Variants in RGS7 observed in about 807,000 individuals in gnomAD.
The protein encoded by RGS7 is regulator of G protein signaling 7, also known as regulator of G-protein signaling 7.
RGS7 carries 27 observed loss-of-function variants against 81.1 expected under a neutral mutation model. That is an observed-to-expected ratio of 0.33 (90% CI 0.25 to 0.46). The LOEUF is 0.46. RGS7 is among the 20% of genes least tolerant of loss of function. The pLI, the probability that RGS7 is intolerant of heterozygous loss-of-function variation, is 1.00. For synonymous variants in RGS7, 208 were observed against 207.7 expected (o/e 1.00, Z -0.01); for missense variants, 396 against 607.4 (o/e 0.65, Z 3.66).
At chr1:240,907,739 T>G (rs1395930360) in intron 6 of RGS7, among the ~76,000 whole-genome samples, 1 of 152,136 alleles carries the variant, frequency 6.6e-6, no homozygotes, top group East Asian at 1.9e-4. Context: ...CCGTAATAAG[T>G]GAGCAACGTT....
intron 2 of RGS7, among the ~76,000 whole-genome samples, chr1:241,264,716 G>A (rs1217288065): frequency 6.6e-6 from 1 of 152,174 alleles, no homozygotes; most frequent in Admixed American, 6.5e-5. Context: ...CAGTGCAGTT[G>A]GTGTGGATTG....
At chr1:240,791,221 A>T (rs9287251) in intron 18 of RGS7, among the ~76,000 whole-genome samples, 100,143 of 152,050 alleles carry the variant, frequency 0.66, 33,271 homozygotes, top group Non-Finnish European at 0.7. Context: ...AAATTACAGG[A>T]ATAAGTGGTG....
chr1:240,983,498 T>G (rs1329792586), intron 3 of RGS7, among the ~76,000 whole-genome samples: 1 of 152,204 alleles, frequency 6.6e-6, no homozygotes, highest in African/African-American at 2.4e-5. Flanking sequence ...CCTGTCTCAT[T>G]TTTGGTTGTA....
intron 2 of RGS7, among the ~76,000 whole-genome samples, chr1:241,122,140 G>A (rs965774519): frequency 6.6e-6 from 1 of 152,100 alleles, no homozygotes; most frequent in African/African-American, 2.4e-5. Flanking sequence ...GTAAGTTCAC[G>A]CAAAAGTAAT....
chr1:241,199,055 A>G (rs1334539576), intron 2 of RGS7, among the ~76,000 whole-genome samples: 1 of 152,238 alleles, frequency 6.6e-6, no homozygotes, highest in Non-Finnish European at 1.5e-5. Context: ...GTAATTCACC[A>G]TATGAAGAGA....
chr1:241,269,237 C>G (rs1384584629), intron 2 of RGS7, among the ~76,000 whole-genome samples: 1 of 152,222 alleles, frequency 6.6e-6, no homozygotes, highest in South Asian at 2.1e-4. Flanking sequence ...GACGCCTTGG[C>G]TGAACACGAT....
intron 2 of RGS7, among the ~76,000 whole-genome samples, chr1:241,323,298 T>G (rs1243998977): frequency 6.6e-6 from 1 of 152,236 alleles, no homozygotes; most frequent in East Asian, 1.9e-4. Flanking sequence ...GTTGTGACAA[T>G]TTTTTTCATT....
intron 3 of RGS7, among the ~76,000 whole-genome samples, chr1:241,078,301 CTGTGTGTG>C (rs71568986): frequency 0.041 from 5,295 of 130,230 alleles, 134 homozygotes; most frequent in Non-Finnish European, 0.053. Flanking sequence ...CTTCTGGTCT[CTGTGTGTG>C]TGTGTGTGTG....
intron 2 of RGS7, among the ~76,000 whole-genome samples, chr1:241,160,496 G>A (rs961091911): frequency 6.6e-6 from 1 of 151,134 alleles, no homozygotes. Flanking sequence ...GGTGAAACAC[G>A]TAGCAATCAA....
chr1:240,854,562 G>A (rs964062347), intron 9 of RGS7, among the ~76,000 whole-genome samples: 9 of 152,152 alleles, frequency 5.9e-5, no homozygotes, highest in Non-Finnish European at 1.0e-4. Flanking sequence ...CGCCTCGTCT[G>A]GACTTTTCAG....
At chr1:241,262,990 T>C (rs1360491728) in intron 2 of RGS7, among the ~76,000 whole-genome samples, 1 of 152,086 alleles carries the variant, frequency 6.6e-6, no homozygotes, top group African/African-American at 2.4e-5. Context: ...TCCCAGCTAC[T>C]CTGGAGGCTA....
intron 3 of RGS7, among the ~76,000 whole-genome samples, chr1:241,082,320 C>A (rs1245486467): frequency 2.0e-5 from 3 of 152,212 alleles, no homozygotes; most frequent in Non-Finnish European, 2.9e-5. Flanking sequence ...AGGCACTACA[C>A]AGAAGCAGCA....
intron 6 of RGS7, among the ~76,000 whole-genome samples, chr1:240,910,285 G>A (rs979260607): frequency 1.7e-4 from 26 of 152,170 alleles, no homozygotes; most frequent in Non-Finnish European, 2.1e-4. Context: ...AATGTGGGGC[G>A]TTTGGCCCTT....
chr1:241,051,513 CTTT>C (rs1194533556), intron 3 of RGS7, among the ~76,000 whole-genome samples: 2 of 152,082 alleles, frequency 1.3e-5, no homozygotes, highest in Non-Finnish European at 2.9e-5. Context: ...GCCTTGACTT[CTTT>C]ATTTGGTCAA....
chr1:240,981,280 T>C (rs1346533734), intron 4 of RGS7, among the ~76,000 whole-genome samples: 1 of 152,130 alleles, frequency 6.6e-6, no homozygotes, highest in Non-Finnish European at 1.5e-5. Context: ...CAGCTAATTT[T>C]TGTATTTTTA....
rs1036227806 is a variant in RGS7 at position 241,305,155 on chromosome 1, G to A, written c.78+50544C>T. ...TAACTGCTTTCACTGGCTAATTTCC[G>A]TTCCCAAGTTTTTATGAAATAATTT... On this transcript the variant is annotated intron_variant, in intron 2 of 18. Transcript: ENST00000440928. Among the ~76,000 whole-genome samples, 10 of 152,200 alleles carry A rather than the reference G, an allele frequency of 6.6e-5. No individual in the cohort carries two copies. The South Asian group carries it at 8.3e-4, about 13-fold the overall frequency.
At chr1:241,087,944 ATCTCTCTCTCTCTC>A (rs574047844) in intron 3 of RGS7, among the ~76,000 whole-genome samples, 1 of 116,108 alleles carries the variant, frequency 8.6e-6, no homozygotes, top group African/African-American at 4.0e-5. Flanking sequence ...GCAAGACTCC[ATCTCTCTCTCTCTC>A]TCTCTCTCTC....
intron 4 of RGS7, among the ~76,000 whole-genome samples, chr1:240,972,004 GT>G (rs1683277021): frequency 6.6e-6 from 1 of 152,136 alleles, no homozygotes. Context: ...GAAAAGATCT[GT>G]TTTTATTGAC....
intron 6 of RGS7, among the ~76,000 whole-genome samples, chr1:240,899,635 A>G: frequency 6.6e-6 from 1 of 152,234 alleles, no homozygotes; most frequent in South Asian, 2.1e-4. Context: ...TGGCTTGTAG[A>G]GTTTCTGCTG....
Sources: gnomAD v4.1 joint callset for allele counts (sites outside exome capture counted in the v4.1 genomes callset) on GRCh38, gnomAD v4.1.1 for gene constraint, MANE v1.5 for transcripts, NCBI Gene and HGNC (gene_info 2026-07-23, HGNC 2026-07-21) for gene names.